Variants in RIMBP2 observed in about 807,000 individuals in gnomAD.
The protein encoded by RIMBP2 is RIMS binding protein 2.
A neutral mutation model predicts 118.6 loss-of-function variants in RIMBP2; 48 were observed. The observed-to-expected ratio is 0.40, with a 90% CI of 0.32 to 0.51. The LOEUF (loss-of-function observed/expected upper bound fraction) is 0.51, where lower values mean the gene tolerates loss of function less well. RIMBP2 is among the 20% of genes least tolerant of loss of function. The probability of loss-of-function intolerance (pLI) is 0.41; values close to 1 mark genes in which losing one functional copy is unlikely to be tolerated. For synonymous variants in RIMBP2, 762 were observed against 742.9 expected (o/e 1.03, Z -0.42); for missense variants, 1,551 against 1,768.3 (o/e 0.88, Z 2.20).
At chr12:130,535,095 G>A (rs1000483085) in intron 2 of RIMBP2, among the ~76,000 whole-genome samples, 16 of 152,162 alleles carry the variant, frequency 1.1e-4, no homozygotes, top group East Asian at 3.9e-4. Flanking sequence ...ACCTCTGATC[G>A]CTGGCCGGCT....
At chr12:130,478,857 G>GGCCCACCCGTGGACTCCCT (rs1243333150) in intron 5 of RIMBP2, 55 bp downstream of exon 5, 2 of 1,346,000 alleles carry the variant, frequency 1.5e-6, no homozygotes, top group Non-Finnish European at 2.1e-6. Flanking sequence ...AGGGATCCCC[G>GGCCCACCCGTGGACTCCCT]GCCCACCCGT....
chr12:130,591,508 C>G (rs1035380382), intron 2 of RIMBP2, among the ~76,000 whole-genome samples: 3 of 152,152 alleles, frequency 2.0e-5, no homozygotes, highest in African/African-American at 7.2e-5. Flanking sequence ...TTTATTCTCT[C>G]ACAGTTCTGG....
At chr12:130,536,338 A>C (rs1163824774) in intron 2 of RIMBP2, among the ~76,000 whole-genome samples, 1 of 152,194 alleles carries the variant, frequency 6.6e-6, no homozygotes, top group Non-Finnish European at 1.5e-5. Context: ...CGACACTGTT[A>C]ATCTCTGTGC....
intron 2 of RIMBP2, among the ~76,000 whole-genome samples, chr12:130,540,526 C>T (rs541472133): frequency 1.5e-3 from 226 of 152,254 alleles, no homozygotes; most frequent in African/African-American, 5.2e-3. Flanking sequence ...ATCAGACCTC[C>T]CAGATAGCAT....
intron 14 of RIMBP2, chr12:130,432,320 C>T (rs2077202772): frequency 4.4e-6 from 2 of 456,472 alleles, no homozygotes; most frequent in South Asian, 3.1e-5. Flanking sequence ...GCCTCAGTTT[C>T]CCTGTATACA....
In RIMBP2 at chr12:130,478,991, C is replaced by T. The variant is rs748513321; in HGVS notation, c.23G>A (p.Arg8Gln). The change falls in exon 5 of 23, where the codon CGG (arginine) becomes CAG (glutamine). Residue 8 changes from arginine (R) to glutamine (Q), a missense_variant. Coordinates refer to ENST00000690449, the MANE Select transcript of RIMBP2 (RefSeq NM_001393629.1). ...GTCATGCTCCAACTGCAGCTGCTGC[C>T]GCCGTTCAGCCGCCTCTCGCATATG... Reference protein sequence around the residue: MREAAERRQQLQLEHDQA... With the variant: MREAAERQQQLQLEHDQA... 5.0e-6 allele frequency: 8 copies of T among 1,613,888 alleles called. No homozygotes were observed. The Admixed American group carries it at 5.0e-5, about 10-fold the overall frequency.
intron 1 of RIMBP2, among the ~76,000 whole-genome samples, chr12:130,654,444 C>G: frequency 6.6e-6 from 1 of 152,236 alleles, no homozygotes; most frequent in East Asian, 1.9e-4. Context: ...TCATTTCCAG[C>G]TGAGACCACA....
chr12:130,451,439 A>C (rs2079004738), intron 7 of RIMBP2, 99 bp from the exon 8 acceptor site: 1 of 1,258,454 alleles, frequency 7.9e-7, no homozygotes, highest in African/African-American at 1.5e-5. Context: ...CCCCTCTTTG[A>C]CAACAGCCAC....
intron 4 of RIMBP2, among the ~76,000 whole-genome samples, chr12:130,483,842 C>A (rs1182382946): frequency 7.4e-6 from 1 of 134,924 alleles, no homozygotes; most frequent in Non-Finnish European, 1.6e-5. Context: ...CCCTCACCTA[C>A]ACACGGTGCC....
chr12:130,522,380 G>A (rs2052228524), intron 2 of RIMBP2, among the ~76,000 whole-genome samples: 1 of 152,220 alleles, frequency 6.6e-6, no homozygotes, highest in South Asian at 2.1e-4. Flanking sequence ...CAACCGGCCA[G>A]CCCAGGCCCC....
In RIMBP2 at chr12:130,412,046, T is replaced by C. The variant is rs190674313; in HGVS notation, c.3589+573A>G. On this transcript the variant is annotated intron_variant, in intron 19 of 22. Transcript: ENST00000690449. ...GCTTTTTTTAATGAGGACATTGTTA[T>C]TGCACGTGGAAAAAAATTTAAAACT... 1.5e-3 allele frequency among the ~76,000 whole-genome samples: 233 copies of C among 152,270 alleles called. 4 individuals are homozygous for C. The highest frequency in any genetic ancestry group is 3.8e-4 in the Non-Finnish European group (26 of 68,022).
chr12:130,408,776 G>A (rs1198033478), intron 19 of RIMBP2, among the ~76,000 whole-genome samples: 1 of 152,178 alleles, frequency 6.6e-6, no homozygotes, highest in African/African-American at 2.4e-5. Flanking sequence ...CATTTGATTT[G>A]GGGAATTCCA....
Position 130,434,829 on chromosome 12 carries a change from C to T in RIMBP2, c.2158G>A (p.Ala720Thr), listed in dbSNP as rs544605207. The T allele has an allele frequency of 6.8e-6, 11 of 1,613,692 alleles. No individual in the cohort carries two copies. The highest frequency in any genetic ancestry group is 2.7e-5 in the African/African-American group (2 of 75,034). Residue 720 changes from alanine to threonine, a missense_variant, in exon 14 of 23, where the codon GCC (alanine) becomes ACC (threonine). Transcript: ENST00000690449. This position sits in a 1 kb window ranked among gnomAD's most constrained non-coding sequence, Gnocchi z 5.7. ...TCATAGGCGTCCTCCTCGTCTGAGGCGGCGTACTGCCCCGCGCTGCTTCTC... is the reference window on the plus strand; with the variant it reads ...TCATAGGCGTCCTCCTCGTCTGAGGTGGCGTACTGCCCCGCGCTGCTTCTC... ...LERSSAGQYA[A>T]SDEEDAYDSP...
intron 4 of RIMBP2, among the ~76,000 whole-genome samples, chr12:130,496,385 C>T (rs553816147): frequency 1.3e-5 from 2 of 152,272 alleles, no homozygotes; most frequent in South Asian, 4.2e-4. Flanking sequence ...GTCCATTAAA[C>T]CTCTTTCCTG....
chr12:130,608,981 A>G (rs2060346437), intron 2 of RIMBP2, among the ~76,000 whole-genome samples: 1 of 151,908 alleles, frequency 6.6e-6, no homozygotes, highest in Non-Finnish European at 1.5e-5. Context: ...CTCTACTTCT[A>G]CGAGATCAAC....
chr12:130,468,470 C>G (rs1184901202), intron 6 of RIMBP2, among the ~76,000 whole-genome samples: 2 of 152,130 alleles, frequency 1.3e-5, no homozygotes, highest in East Asian at 3.9e-4. Flanking sequence ...AACCACTTGT[C>G]CAGAAGTGGG....
chr12:130,689,639 T>G (rs1440404505), intron 1 of RIMBP2, among the ~76,000 whole-genome samples: 2 of 151,914 alleles, frequency 1.3e-5, no homozygotes, highest in African/African-American at 4.8e-5. Context: ...AAGGCTTAGC[T>G]GGGGAGGGGG....
intron 1 of RIMBP2, among the ~76,000 whole-genome samples, chr12:130,681,270 C>G (rs954973067): frequency 2.7e-5 from 4 of 149,306 alleles, no homozygotes; most frequent in African/African-American, 9.8e-5. Context: ...ACAGTGAGAC[C>G]CTATCTCTAA....
chr12:130,541,455 T>C (rs1174180035), intron 2 of RIMBP2, among the ~76,000 whole-genome samples: 3 of 152,230 alleles, frequency 2.0e-5, no homozygotes, highest in Non-Finnish European at 4.4e-5. Context: ...TTGTGGATGA[T>C]ATTGAGTGAA....
Sources: gnomAD v4.1 joint callset for allele counts (sites outside exome capture counted in the v4.1 genomes callset) on GRCh38, gnomAD v4.1.1 for gene constraint, Gnocchi (gnomAD v3.1) non-coding constraint, MANE v1.5 for transcripts, NCBI Gene and HGNC (gene_info 2026-07-23, HGNC 2026-07-21) for gene names.